LHFPL3: variants seen among roughly 807,000 people sequenced by gnomAD.
LHFPL3 encodes the protein LHFPL tetraspan subfamily member 3 protein.
In LHFPL3, 5 loss-of-function variants were observed where a neutral mutation model predicts 19.3. The observed-to-expected ratio is 0.26, with a 90% CI of 0.14 to 0.54. LHFPL3 has a LOEUF of 0.54. Ranked by LOEUF, LHFPL3 falls within the 20% of genes least tolerant of loss-of-function variation. The pLI is 0.94. For missense variants in LHFPL3, 249 were observed against 307.4 expected, an observed-to-expected ratio of 0.81 and a Z score of 1.42; for synonymous variants, 133 against 126.2, an observed-to-expected ratio of 1.05 and a Z score of -0.36.
chr7:104,647,729 T>C (rs1281729447), intron 1 of LHFPL3, among the ~76,000 whole-genome samples: 3 of 152,264 alleles, frequency 2.0e-5, no homozygotes, highest in African/African-American at 2.4e-5. Context: ...TCACAGTCAT[T>C]GGATGGCAGC....
intron 1 of LHFPL3, among the ~76,000 whole-genome samples, chr7:104,589,717 A>T (rs1221177731): frequency 2.6e-5 from 4 of 152,288 alleles, no homozygotes; most frequent in Non-Finnish European, 4.4e-5. Flanking sequence ...CTCTGGTAGA[A>T]TTCGGCTGTG....
In LHFPL3 at chr7:104,735,255, G is replaced by T. The variant is rs188042690; in HGVS notation, c.446-1420G>T. Among the ~76,000 whole-genome samples, 729 of 152,352 alleles carry T rather than the reference G, an allele frequency of 4.8e-3. 4 individuals carry two copies. Among genetic ancestry groups the T allele is most frequent in the African/African-American group, 0.016 (681 of 41,586 alleles). On this transcript the variant is annotated intron_variant, in intron 1 of 2. Transcript: ENST00000424859. ...ACTCTCTTCAAAGCTGTCAGACAGG[G>T]ACATTTAAGTCTGCAGAGCTTTCTG...
intron 2 of LHFPL3, among the ~76,000 whole-genome samples, chr7:104,835,134 T>C (rs1003634339): frequency 6.6e-6 from 1 of 151,958 alleles, no homozygotes; most frequent in Non-Finnish European, 1.5e-5. Context: ...CCTTGGGTGA[T>C]ACATTTTGTC....
At chr7:104,534,694 AC>A (rs1794362338) in intron 1 of LHFPL3, among the ~76,000 whole-genome samples, 1 of 152,034 alleles carries the variant, frequency 6.6e-6, no homozygotes, top group Admixed American at 6.6e-5. Context: ...ATAATTTCTC[AC>A]CCTACTTGGT....
rs1794119078 is a variant in LHFPL3, at chr7:104,523,438, G to C, written c.445+194214G>C. ...AAAAGTTAGTTTTCCCTTTACATCT[G>C]TATCATATGTGTTAACTCTGCCAAA... On this transcript the variant is annotated intron_variant, in intron 1 of 2. Transcript: ENST00000424859. Among the ~76,000 whole-genome samples the C allele has an allele frequency of 2.0e-5, 3 of 152,142 alleles. No homozygotes were observed. The South Asian group carries it at 6.2e-4, about 32-fold the overall frequency.
At chr7:104,730,053 G>T (rs527582140) in intron 1 of LHFPL3, among the ~76,000 whole-genome samples, 7 of 152,258 alleles carry the variant, frequency 4.6e-5, no homozygotes, top group African/African-American at 1.4e-4. Context: ...GCTCATCCAT[G>T]TCCCTACAAA....
intron 1 of LHFPL3, among the ~76,000 whole-genome samples, chr7:104,552,812 A>G (rs1794688211): frequency 6.6e-6 from 1 of 152,176 alleles, no homozygotes; most frequent in South Asian, 2.1e-4. Context: ...CTATCTCCTA[A>G]TTTTCTTATT....
chr7:104,532,634 A>T (rs1211559059), intron 1 of LHFPL3, among the ~76,000 whole-genome samples: 1 of 151,640 alleles, frequency 6.6e-6, no homozygotes, highest in East Asian at 1.9e-4. Context: ...CCTACACCTC[A>T]TTACTCTCTG....
At chr7:104,431,625 T>C (rs1240409484) in intron 1 of LHFPL3, among the ~76,000 whole-genome samples, 1 of 152,214 alleles carries the variant, frequency 6.6e-6, no homozygotes, top group Non-Finnish European at 1.5e-5. Flanking sequence ...TGTGGCAAAC[T>C]TTTTGGGACA....
intron 1 of LHFPL3, among the ~76,000 whole-genome samples, chr7:104,637,179 C>A (rs531273381): frequency 9.2e-5 from 14 of 152,218 alleles, no homozygotes; most frequent in African/African-American, 3.4e-4. Flanking sequence ...GCACATATGT[C>A]TTCTTTTGAA....
chr7:104,617,736 G>A (rs907842451), intron 1 of LHFPL3, among the ~76,000 whole-genome samples: 3 of 152,146 alleles, frequency 2.0e-5, no homozygotes, highest in Non-Finnish European at 4.4e-5. Context: ...GCTTGAATAT[G>A]AGACTTCAGA....
At chr7:104,457,451 T>C (rs1275630057) in intron 1 of LHFPL3, among the ~76,000 whole-genome samples, 1 of 152,154 alleles carries the variant, frequency 6.6e-6, no homozygotes, top group Non-Finnish European at 1.5e-5. Flanking sequence ...GAACTCATCA[T>C]TTTTATGGCT....
At chr7:104,370,750 C>G (rs920702331) in intron 1 of LHFPL3, among the ~76,000 whole-genome samples, 2 of 151,968 alleles carry the variant, frequency 1.3e-5, no homozygotes, top group African/African-American at 4.8e-5. Context: ...GGTGTGGTGG[C>G]GGGCGCCTGT....
At chr7:104,406,858 G>C (rs954875365) in intron 1 of LHFPL3, among the ~76,000 whole-genome samples, 4 of 152,182 alleles carry the variant, frequency 2.6e-5, no homozygotes, top group African/African-American at 9.7e-5. Context: ...ATAATTTAGG[G>C]GACATTCCAG....
chr7:104,344,974 T>C (rs1179066636), intron 1 of LHFPL3, among the ~76,000 whole-genome samples: 2 of 152,224 alleles, frequency 1.3e-5, no homozygotes, highest in African/African-American at 4.8e-5. Flanking sequence ...AAAATTTGTG[T>C]ATGAATCAAA....
chr7:104,820,939 TAG>T (rs1465408997), intron 2 of LHFPL3, among the ~76,000 whole-genome samples: 2 of 152,148 alleles, frequency 1.3e-5, no homozygotes, highest in African/African-American at 4.8e-5. Context: ...GACAGGAGCC[TAG>T]AGAGACACCC....
intron 1 of LHFPL3, among the ~76,000 whole-genome samples, chr7:104,368,679 G>T (rs1163431097): frequency 6.9e-6 from 1 of 144,932 alleles, no homozygotes; most frequent in South Asian, 2.2e-4. Context: ...GTGTGTGTGT[G>T]TTGTTTTGTT....
intron 1 of LHFPL3, among the ~76,000 whole-genome samples, chr7:104,638,845 C>G (rs925243723): frequency 2.0e-5 from 3 of 150,946 alleles, no homozygotes. Context: ...TGACTGCAGT[C>G]TTGACCTCGA....
intron 1 of LHFPL3, among the ~76,000 whole-genome samples, chr7:104,432,026 G>A (rs1035330540): frequency 7.9e-5 from 12 of 152,148 alleles, no homozygotes; most frequent in African/African-American, 2.9e-4. Context: ...TCATACCACA[G>A]GAACAAGGCT....
Sources: allele counts gnomAD v4.1 joint callset (sites outside exome capture counted in the v4.1 genomes callset), GRCh38; gene constraint gnomAD v4.1.1; transcripts MANE v1.5; gene names NCBI Gene and HGNC (gene_info 2026-07-23, HGNC 2026-07-21).